GRID2: variants seen among roughly 807,000 people sequenced by gnomAD.
GRID2 encodes the protein glutamate ionotropic receptor delta type subunit 2.
Under a neutral mutation model 114.8 loss-of-function variants are expected in GRID2, and 33 were observed. The observed-to-expected ratio is 0.29, with a 90% CI of 0.22 to 0.38. GRID2 has a LOEUF of 0.38. GRID2 is among the 10% of genes least tolerant of loss of function. The probability of loss-of-function intolerance (pLI) is 1.00; values close to 1 mark genes in which losing one functional copy is unlikely to be tolerated. For synonymous variants in GRID2, 505 were observed against 449.9 expected, an observed-to-expected ratio of 1.12 and a Z score of -1.55; for missense variants, 1,184 against 1,257.7, an observed-to-expected ratio of 0.94 and a Z score of 0.89.
intron 2 of GRID2, among the ~76,000 whole-genome samples, chr4:92,715,399 C>G (rs530119189): frequency 6.6e-6 from 1 of 152,174 alleles, no homozygotes; most frequent in Non-Finnish European, 1.5e-5. Flanking sequence ...CCAAACGGTT[C>G]TAACTTCTGC....
At chr4:92,970,385 A>T (rs1189634407) in intron 2 of GRID2, among the ~76,000 whole-genome samples, 1 of 151,994 alleles carries the variant, frequency 6.6e-6, no homozygotes, top group Non-Finnish European at 1.5e-5. Flanking sequence ...TGTATCTGTT[A>T]ATTTATATAG....
At chr4:92,959,132 G>T (rs1752623782) in intron 2 of GRID2, among the ~76,000 whole-genome samples, 1 of 112,774 alleles carries the variant, frequency 8.9e-6, no homozygotes, top group African/African-American at 3.4e-5. Context: ...TTTCCCAAAA[G>T]ACTGACTTTT....
chr4:92,578,664 T>G (rs1490014919), intron 1 of GRID2, among the ~76,000 whole-genome samples: 1 of 152,056 alleles, frequency 6.6e-6, no homozygotes, highest in Non-Finnish European at 1.5e-5. Flanking sequence ...TTGCTTGAGT[T>G]CAGAAGTTCA....
At chr4:92,793,014 A>C (rs1459486503) in intron 2 of GRID2, among the ~76,000 whole-genome samples, 3 of 151,352 alleles carry the variant, frequency 2.0e-5, no homozygotes, top group Non-Finnish European at 4.4e-5. Context: ...TAGATATTCC[A>C]GAATCATAAC....
intron 2 of GRID2, among the ~76,000 whole-genome samples, chr4:92,599,456 G>A (rs1333053127): frequency 6.6e-6 from 1 of 152,040 alleles, no homozygotes; most frequent in African/African-American, 2.4e-5. Flanking sequence ...TGTTTAAAAG[G>A]TTATCTTTCC....
chr4:93,157,657 G>T (rs1737306749), intron 4 of GRID2, among the ~76,000 whole-genome samples: 1 of 151,664 alleles, frequency 6.6e-6, no homozygotes, highest in South Asian at 2.1e-4. Flanking sequence ...TACTAAGGAT[G>T]AATGAAAGGA....
intron 2 of GRID2, among the ~76,000 whole-genome samples, chr4:93,019,593 C>T (rs1723087230): frequency 1.3e-5 from 2 of 152,202 alleles, no homozygotes; most frequent in South Asian, 2.1e-4. Flanking sequence ...TAAAAAAGGG[C>T]AGAAGATAGT....
At chr4:92,916,667 A>G (rs1003612527) in intron 2 of GRID2, among the ~76,000 whole-genome samples, 1 of 152,098 alleles carries the variant, frequency 6.6e-6, no homozygotes, top group African/African-American at 2.4e-5. Context: ...AGCTTCATCC[A>G]TGTCCCTACA....
intron 1 of GRID2, among the ~76,000 whole-genome samples, chr4:92,574,421 T>G (rs1257872785): frequency 2.0e-5 from 3 of 151,276 alleles, no homozygotes; most frequent in Admixed American, 6.6e-5. Context: ...GTATTTTTTT[T>G]TTTTTTTTTT....
chr4:92,822,269 G>T (rs936821701), intron 2 of GRID2: 2 of 570,748 alleles, frequency 3.5e-6, no homozygotes, highest in Admixed American at 1.9e-5. Flanking sequence ...TGTTGAGATC[G>T]CATGGCATGG....
chr4:93,280,572 T>C (rs2149584852), intron 8 of GRID2, among the ~76,000 whole-genome samples: 1 of 152,074 alleles, frequency 6.6e-6, no homozygotes, highest in East Asian at 1.9e-4. Context: ...TTTTCATAAA[T>C]CTTGGTTTAT....
At chr4:93,444,638 A>C (rs990028348) in intron 10 of GRID2, among the ~76,000 whole-genome samples, 2 of 152,050 alleles carry the variant, frequency 1.3e-5, no homozygotes, top group African/African-American at 4.8e-5. Flanking sequence ...TGTAAATTAG[A>C]GTACCTTCAT....
At chr4:92,633,546 T>C (rs1730916510) in intron 2 of GRID2, among the ~76,000 whole-genome samples, 1 of 152,164 alleles carries the variant, frequency 6.6e-6, no homozygotes, top group African/African-American at 2.4e-5. Flanking sequence ...TCGTACCTTC[T>C]CTCTGTCTTC....
Position 93,502,472 on chromosome 4 carries a change from G to GA in GRID2, c.1997+11705dup, listed in dbSNP as rs111702290. ...ATATCTTAAGTTGAAAGGCAAATCT[G>GA]AAAAAAAAAATCCTTTTTTGTCATA... is the stretch of plus-strand genomic sequence containing the variant. On this transcript the variant is annotated intron_variant, in intron 12 of 15. Transcript: ENST00000282020. 2.5e-3 allele frequency among the ~76,000 whole-genome samples: 364 copies of GA among 148,412 alleles called. 2 individuals are homozygous for GA. Among genetic ancestry groups the GA allele is most frequent in the African/African-American group, 6.8e-3 (275 of 40,608 alleles).
intron 11 of GRID2, among the ~76,000 whole-genome samples, chr4:93,483,191 G>A (rs1403886278): frequency 6.6e-6 from 1 of 151,844 alleles, no homozygotes; most frequent in African/African-American, 2.4e-5. Flanking sequence ...TTCTGTAAGT[G>A]TAAAACACGC....
At chr4:92,386,282 CTCTCAGTTTATTCA>C (rs1729956960) in intron 1 of GRID2, among the ~76,000 whole-genome samples, 1 of 151,700 alleles carries the variant, frequency 6.6e-6, no homozygotes, top group Non-Finnish European at 1.5e-5. Context: ...TGTATATTCA[CTCTCAGTTTATTCA>C]TGCTGAGGGC....
At chr4:92,785,219 C>T (rs567367660) in intron 2 of GRID2, among the ~76,000 whole-genome samples, 18 of 150,904 alleles carry the variant, frequency 1.2e-4, no homozygotes, top group East Asian at 7.8e-4. Context: ...TGTAGACAAA[C>T]GGATGAAGCT....
chr4:92,812,062 A>G (rs1482644226), intron 2 of GRID2, among the ~76,000 whole-genome samples: 1 of 152,168 alleles, frequency 6.6e-6, no homozygotes, highest in Non-Finnish European at 1.5e-5. Context: ...ACATGTGCCA[A>G]AAAGGCTTCG....
At position 93,216,750 on chromosome 4, in the gene GRID2, G is replaced by A. The variant is rs1744260597; in HGVS notation, c.802G>A (p.Val268Met). The A allele has an allele frequency of 1.9e-6, 3 of 1,607,662 alleles. No individual in the cohort carries two copies. Among genetic ancestry groups the A allele is most frequent in the Admixed American group, 1.7e-5 (1 of 59,918 alleles). Residue 268 changes from valine (V) to methionine (M), a missense_variant, in exon 6 of 16, where the codon GTG becomes ATG. Transcript: ENST00000282020. ...WIIINEEIND[V>M]DVQELVRRSI... is the part of the protein sequence containing the mutation. ...TCTTATCTTATAGGAAATAAACGAT[G>A]TGGACGTACAGGAACTTGTAAGAAG...
Sources: allele counts gnomAD v4.1 joint callset (sites outside exome capture counted in the v4.1 genomes callset), GRCh38; gene constraint gnomAD v4.1.1; transcripts MANE v1.5; gene names NCBI Gene and HGNC (gene_info 2026-07-23, HGNC 2026-07-21).